UROC1: variants seen among roughly 807,000 people sequenced by gnomAD.
UROC1 encodes urocanate hydratase.
In UROC1, 79 loss-of-function variants were observed where a neutral mutation model predicts 89.5. The ratio of observed to expected loss-of-function variants is 0.88; its 90% CI spans 0.74 to 1.06. The LOEUF (loss-of-function observed/expected upper bound fraction) is 1.06. Ranked by LOEUF, UROC1 falls within the 50% of genes least tolerant of loss-of-function variation. The probability of loss-of-function intolerance (pLI) is 0.00; values close to 1 mark genes in which losing one functional copy is unlikely to be tolerated. For missense variants in UROC1, 885 were observed against 907.8 expected (o/e 0.97, Z 0.32); for synonymous variants, 361 against 354.8 (o/e 1.02, Z -0.20).
At chr3:126,516,302 T>C (rs1427696112) in intron 1 of UROC1, among the ~76,000 whole-genome samples, 1 of 4,764 alleles carries the variant, frequency 2.1e-4, no homozygotes, top group African/African-American at 9.3e-4. Context: ...CACCCCCCAG[T>C]GCCCACCACC....
At chr3:126,499,204 G>A (rs1019020185) in intron 13 of UROC1, 133 bp downstream of exon 13, 2 of 944,604 alleles carry the variant, frequency 2.1e-6, no homozygotes, top group African/African-American at 1.6e-5. Context: ...GGGGCAGTGT[G>A]GAGGTCTCAG....
chr3:126,492,624 G>A, intron 15 of UROC1, 108 bp from the exon 16 acceptor site: 2 of 795,492 alleles, frequency 2.5e-6, no homozygotes, highest in Non-Finnish European at 4.0e-6. Context: ...ATGGCCCTTG[G>A]CAGCCTGAGC....
At chr3:126,496,247 C>T (rs780581110) in intron 14 of UROC1, 139 bp from the exon 15 acceptor site, 51 of 764,154 alleles carry the variant, frequency 6.7e-5, no homozygotes, top group Non-Finnish European at 1.2e-4. Context: ...CCCACCCCAC[C>T]CCACCCCTGC....
chr3:126,508,364 C>A lies in UROC1; in HGVS notation c.411+52G>T, dbSNP rs1354294869. On this transcript the variant is annotated intron_variant, in intron 4 of 19. Coordinates refer to ENST00000290868, the MANE Select transcript of UROC1 (RefSeq NM_144639.3). ...TTTGTAAGCTCCTAGGCCAGAGGAC[C>A]AGACTAGAGGAAAGGCCAGGGGTGG... 3.2e-6 allele frequency: 5 copies of A among 1,576,380 alleles called. No homozygotes were observed. In the Admixed American group the frequency reaches 8.3e-5, roughly 26 times the overall value.
In UROC1 at chr3:126,517,654, G is replaced by C. The variant is rs773682872; in HGVS notation, c.66C>G (p.Arg22=). The C allele has an allele frequency of 3.1e-6, 5 of 1,609,714 alleles. No individual in the cohort carries two copies. Among genetic ancestry groups the C allele is most frequent in the Non-Finnish European group, 4.2e-6 (5 of 1,178,760 alleles). The change falls in exon 1 of 20, where the codon CGC becomes CGG. Residue 22 remains arginine (R), a synonymous_variant. Transcript: ENST00000290868. The part of the protein sequence containing the change: ...PLRPLPENRG[R]QAGVPHAPVR... Reference sequence around the variant, plus strand: ...CAGGGGCATGGGGCACCCCAGCCTGGCGTCCCCGGTTCTCTGGGAGGGGCC... The same window carrying C: ...CAGGGGCATGGGGCACCCCAGCCTGCCGTCCCCGGTTCTCTGGGAGGGGCC...
intron 1 of UROC1, among the ~76,000 whole-genome samples, chr3:126,512,685 T>C (rs920603966): frequency 2.0e-5 from 3 of 152,194 alleles, no homozygotes; most frequent in Non-Finnish European, 4.4e-5. Flanking sequence ...ATCACGTTGC[T>C]GCACTCCAGC....
chr3:126,503,331 C>T (rs1020882395), intron 9 of UROC1, among the ~76,000 whole-genome samples: 14 of 152,220 alleles, frequency 9.2e-5, no homozygotes, highest in African/African-American at 3.1e-4. Flanking sequence ...ACCACTGCAC[C>T]GATGTGTCTT....
chr3:126,497,087 G>T (rs556740070), intron 14 of UROC1, among the ~76,000 whole-genome samples: 83 of 152,302 alleles, frequency 5.4e-4, no homozygotes, highest in African/African-American at 1.9e-3. Flanking sequence ...CTCCTGCCTG[G>T]GCCCCTGCCC....
chr3:126,501,156 C>G, intron 10 of UROC1, 62 bp downstream of exon 10: 1 of 1,555,586 alleles, frequency 6.4e-7, no homozygotes, highest in Admixed American at 1.7e-5. Context: ...GCATTGAGGT[C>G]TTTGCTCAGG....
chr3:126,505,036 AG>A (rs1457972701), intron 8 of UROC1, among the ~76,000 whole-genome samples: 1 of 152,006 alleles, frequency 6.6e-6, no homozygotes, highest in Admixed American at 6.5e-5. Context: ...TAAAAGGTCC[AG>A]CACCTCCCTC....
At chr3:126,501,638 G>A (rs1173410221) in intron 9 of UROC1, among the ~76,000 whole-genome samples, 1 of 152,244 alleles carries the variant, frequency 6.6e-6, no homozygotes, top group African/African-American at 2.4e-5. Flanking sequence ...ATTCACTAAA[G>A]ATGATTCCCA....
intron 15 of UROC1, among the ~76,000 whole-genome samples, chr3:126,494,916 C>T (rs1935743764): frequency 6.6e-6 from 1 of 152,162 alleles, no homozygotes; most frequent in Non-Finnish European, 1.5e-5. Context: ...AACACACCCC[C>T]TGTACAAGCA....
At chr3:126,488,169 C>A (rs764408397) in intron 18 of UROC1, 29 bp downstream of exon 18, 4 of 1,613,746 alleles carry the variant, frequency 2.5e-6, no homozygotes, top group African/African-American at 2.7e-5. Flanking sequence ...CCACATCAGC[C>A]CACACCCTGT....
chr3:126,488,315 T>C, intron 17 of UROC1, 36 bp from the exon 18 acceptor site: 1 of 1,612,052 alleles, frequency 6.2e-7, no homozygotes, highest in Non-Finnish European at 8.5e-7. Context: ...CATCACCCCC[T>C]GCACTGGGTG....
intron 17 of UROC1, 62 bp from the exon 18 acceptor site, chr3:126,488,341 C>A: frequency 6.3e-7 from 1 of 1,595,896 alleles, no homozygotes; most frequent in South Asian, 1.1e-5. Flanking sequence ...CTGGCTCAGT[C>A]AGGCCAGCCT....
At position 126,504,083 on chromosome 3, in the gene UROC1, C is replaced by T. The variant is rs1935999497; in HGVS notation, c.814G>A (p.Val272Met). 1.2e-6 allele frequency: 2 copies of T among 1,614,070 alleles called. No individual in the cohort carries two copies. The highest frequency in any genetic ancestry group is 1.7e-6 in the Non-Finnish European group (2 of 1,180,032). ...IVGCIGVIAE[V>M]DKAALEKRHR... ...CGTTTCTCAAGGGCTGCTTTATCCA[C>T]CTGGGGCCATGAGACATGGGGCCAC... is the stretch of plus-strand genomic sequence containing the variant. The change falls in exon 9 of 20, where the codon GTG becomes ATG. Residue 272 changes from valine to methionine, a missense_variant and splice_region_variant. Physicochemically the swap from Val to Met is conservative, Grantham distance 21. Coordinates refer to ENST00000290868, the MANE Select transcript of UROC1 (RefSeq NM_144639.3).
At chr3:126,506,115 A>G (rs1936054636) in intron 6 of UROC1, 104 bp from the exon 7 acceptor site, 6 of 1,174,452 alleles carry the variant, frequency 5.1e-6, no homozygotes, top group Admixed American at 3.5e-5. Context: ...TTAACTACCC[A>G]ATAGGCATTA....
In UROC1 at chr3:126,489,297, C is replaced by T. The variant is rs372570937; in HGVS notation, c.1687G>A (p.Asp563Asn). 65 of 1,613,772 alleles carry T rather than the reference C, an allele frequency of 4.0e-5. No homozygotes were observed. The East Asian group carries it at 8.0e-4, about 20-fold the overall frequency. ...TCACCTGCACAGAAGGCAGAGCCGT[C>T]GTAAATGTTGGAGGTCTCCCTAAAG... ...SPFRETSNIY[D>N]GSAFCADMAV... is the part of the protein sequence containing the mutation. The change falls in exon 17 of 20, where the codon GAC (aspartate) becomes AAC (asparagine). Residue 563 changes from aspartate (D) to asparagine (N), a missense_variant. Coordinates refer to ENST00000290868, the MANE Select transcript of UROC1 (RefSeq NM_144639.3).
intron 9 of UROC1, 106 bp downstream of exon 9, chr3:126,503,889 A>G: frequency 8.4e-7 from 1 of 1,194,018 alleles, no homozygotes; most frequent in Admixed American, 1.7e-5. Context: ...GCCAGCTGTC[A>G]GGCATTAAAC....
Sources: gnomAD v4.1 joint callset for allele counts (sites outside exome capture counted in the v4.1 genomes callset) on GRCh38, gnomAD v4.1.1 for gene constraint, MANE v1.5 for transcripts, NCBI Gene and HGNC (gene_info 2026-07-23, HGNC 2026-07-21) for gene names.